Variants in VPS54 observed in about 807,000 individuals in gnomAD.
VPS54 encodes VPS54 subunit of GARP complex, also known as vacuolar protein sorting-associated protein 54.
Under a neutral mutation model 121.5 loss-of-function variants are expected in VPS54, and 45 were observed. The ratio of observed to expected loss-of-function variants is 0.37; its 90% CI spans 0.29 to 0.47. The LOEUF (loss-of-function observed/expected upper bound fraction) is 0.47, where lower values mean the gene tolerates loss of function less well. Among genes scored for constraint, VPS54 ranks in the 20% least tolerant of loss-of-function variants. VPS54 has a pLI of 0.99. For missense variants in VPS54, 1,090 were observed against 1,131.4 expected, an observed-to-expected ratio of 0.96 and a Z score of 0.52; for synonymous variants, 371 against 385.8, an observed-to-expected ratio of 0.96 and a Z score of 0.45.
At chr2:64,011,051 T>G (rs576510118) in intron 1 of VPS54, among the ~76,000 whole-genome samples, 1 of 152,228 alleles carries the variant, frequency 6.6e-6, no homozygotes, top group African/African-American at 2.4e-5. Context: ...AGAAATAATA[T>G]TGACTAGGAG....
intron 12 of VPS54, among the ~76,000 whole-genome samples, chr2:63,930,706 A>T (rs1391451385): frequency 6.6e-6 from 1 of 152,234 alleles, no homozygotes; most frequent in Non-Finnish European, 1.5e-5. Context: ...TTCAATGTGG[A>T]AAAGAGGAAG....
intron 9 of VPS54, among the ~76,000 whole-genome samples, chr2:63,946,080 G>T (rs1158831550): frequency 1.3e-5 from 2 of 151,940 alleles, no homozygotes; most frequent in South Asian, 4.1e-4. Flanking sequence ...CTATTATCTT[G>T]ATTTTTAAAC....
At chr2:64,001,801 G>A (rs933753235) in intron 1 of VPS54, among the ~76,000 whole-genome samples, 2 of 151,918 alleles carry the variant, frequency 1.3e-5, no homozygotes, top group Non-Finnish European at 2.9e-5. Context: ...ATATCTTTTA[G>A]AGCTGTGAGC....
At chr2:64,016,000 C>T (rs1288258152) in intron 1 of VPS54, among the ~76,000 whole-genome samples, 2 of 152,252 alleles carry the variant, frequency 1.3e-5, no homozygotes, top group East Asian at 1.9e-4. Flanking sequence ...TTCCAAAGTC[C>T]CATTTCTTGC....
At chr2:63,946,543 A>C (rs147401598) in intron 9 of VPS54, among the ~76,000 whole-genome samples, 2 of 152,040 alleles carry the variant, frequency 1.3e-5, no homozygotes, top group Admixed American at 1.3e-4. Flanking sequence ...TTTTTTGCTT[A>C]TTTAACTTTT....
At chr2:63,957,777 T>C (rs1211650210) in intron 7 of VPS54, among the ~76,000 whole-genome samples, 1 of 152,104 alleles carries the variant, frequency 6.6e-6, no homozygotes, top group Non-Finnish European at 1.5e-5. Flanking sequence ...TTACAAATCA[T>C]GAAAAAGTTG....
chr2:63,894,973 G>T (rs902420549), intron 22 of VPS54, among the ~76,000 whole-genome samples: 47 of 152,252 alleles, frequency 3.1e-4, no homozygotes, highest in African/African-American at 1.1e-3. Flanking sequence ...CAGATGGGGT[G>T]TAAAGGTGTA....
At chr2:63,966,805 T>C (rs1322860040) in intron 5 of VPS54, among the ~76,000 whole-genome samples, 1 of 152,214 alleles carries the variant, frequency 6.6e-6, no homozygotes, top group Non-Finnish European at 1.5e-5. Context: ...TCTAGCAATA[T>C]TCAATTCTCT....
In VPS54 at chr2:63,963,213, G is replaced by T. The variant is rs192246218; in HGVS notation, c.625-770C>A. ...TTGTAAAATTCAGTTTATTTCCAAT[G>T]AATTTTCCTCTTAAAAGTTCGACAA... On this transcript the variant is annotated intron_variant, in intron 6 of 22. Coordinates refer to ENST00000272322, the MANE Select transcript of VPS54 (RefSeq NM_016516.3). 3.9e-5 allele frequency among the ~76,000 whole-genome samples: 6 copies of T among 152,004 alleles called. No individual in the cohort carries two copies. In the South Asian group the frequency reaches 6.2e-4, roughly 16 times the overall value.
chr2:63,951,206 C>CT (rs71245641), intron 7 of VPS54, among the ~76,000 whole-genome samples: 16,715 of 134,304 alleles, frequency 0.12, 2,354 homozygotes, highest in African/African-American at 0.34. Context: ...ACAAATTTCC[C>CT]TTTTTTTTTT....
chr2:63,968,496 G>C (rs1000979327), intron 5 of VPS54, among the ~76,000 whole-genome samples: 12 of 151,816 alleles, frequency 7.9e-5, no homozygotes, highest in African/African-American at 2.9e-4. Context: ...CGGATCACTT[G>C]AAATCAAGAG....
In VPS54 at chr2:63,947,232, CTA is replaced by C. The variant is rs1675021465; in HGVS notation, c.1245+149_1245+150del. The C allele has an allele frequency of 7.5e-6, 5 of 666,466 alleles. No individual in the cohort carries two copies. In the South Asian group the frequency reaches 1.4e-4, roughly 18 times the overall value. The allele number at this position is 666,466 out of a possible 1,614,324, so 41.3% of individuals were successfully genotyped here. On this transcript the variant is annotated intron_variant, in intron 9 of 22. Coordinates refer to ENST00000272322, the MANE Select transcript of VPS54 (RefSeq NM_016516.3). ...AGCAATAATCTTTTGGCTGGTAAGGCTATGTTTTACTTTCATTTTTCTAAATT... is the reference window on the plus strand; with the variant it reads ...AGCAATAATCTTTTGGCTGGTAAGGCTGTTTTACTTTCATTTTTCTAAATT...
intron 1 of VPS54, among the ~76,000 whole-genome samples, chr2:64,012,221 C>G (rs1678462328): frequency 6.6e-6 from 1 of 152,042 alleles, no homozygotes. Context: ...TACAGTGTGT[C>G]TTTGCTTTTC....
intron 7 of VPS54, among the ~76,000 whole-genome samples, chr2:63,949,715 G>A (rs543496077): frequency 4.8e-4 from 73 of 152,260 alleles, no homozygotes; most frequent in African/African-American, 1.6e-3. Context: ...GGGTGGCAGA[G>A]GAGGTGGAAG....
At chr2:63,949,629 T>C (rs922541896) in intron 7 of VPS54, among the ~76,000 whole-genome samples, 3 of 151,744 alleles carry the variant, frequency 2.0e-5, no homozygotes, top group Admixed American at 2.0e-4. Flanking sequence ...TGGAATCAGA[T>C]CATCATAAAA....
chr2:63,908,768 C>A (rs1673012625), intron 20 of VPS54, among the ~76,000 whole-genome samples: 2 of 152,110 alleles, frequency 1.3e-5, no homozygotes, highest in Non-Finnish European at 2.9e-5. Context: ...GAAAGCAATC[C>A]ACATATATTA....
At chr2:64,016,919 C>T (rs1678725058) in intron 1 of VPS54, among the ~76,000 whole-genome samples, 1 of 149,544 alleles carries the variant, frequency 6.7e-6, no homozygotes, top group Non-Finnish European at 1.5e-5. Flanking sequence ...AAGTGGTACA[C>T]CTTAAATGGG....
At chr2:63,965,623 G>T (rs1361731325) in intron 6 of VPS54, among the ~76,000 whole-genome samples, 2 of 152,268 alleles carry the variant, frequency 1.3e-5, no homozygotes, top group South Asian at 2.1e-4. Flanking sequence ...CACTCAAATA[G>T]TAAGTTTTTC....
At chr2:63,915,809 A>G (rs1398449500) in intron 16 of VPS54, among the ~76,000 whole-genome samples, 2 of 152,232 alleles carry the variant, frequency 1.3e-5, no homozygotes, top group Admixed American at 6.5e-5. Context: ...CAGATACAGA[A>G]AAAGGATTAA....
Sources: allele counts gnomAD v4.1 joint callset (sites outside exome capture counted in the v4.1 genomes callset), GRCh38; gene constraint gnomAD v4.1.1; transcripts MANE v1.5; gene names NCBI Gene and HGNC (gene_info 2026-07-23, HGNC 2026-07-21).